The following TULP4 variants were observed in gnomAD, a reference collection of about 807,000 sequenced individuals.
The protein encoded by TULP4 is TUB like protein 4.
TULP4 carries 16 observed loss-of-function variants against 129.0 expected under a neutral mutation model. The ratio of observed to expected loss-of-function variants is 0.12; its 90% CI spans 0.08 to 0.19. The LOEUF (loss-of-function observed/expected upper bound fraction) is 0.19. Ranked by LOEUF, TULP4 falls within the 10% of genes least tolerant of loss-of-function variation. The pLI is 1.00. For missense variants in TULP4, 1,842 were observed against 2,059.1 expected, an observed-to-expected ratio of 0.89 and a Z score of 2.04; for synonymous variants, 998 against 854.0, an observed-to-expected ratio of 1.17 and a Z score of -2.94.
At chr6:158,424,741 A>C (rs1778434934) in intron 2 of TULP4, among the ~76,000 whole-genome samples, 1 of 152,200 alleles carries the variant, frequency 6.6e-6, no homozygotes, top group Non-Finnish European at 1.5e-5. Flanking sequence ...GAATCCATGG[A>C]TACAGATGAC....
At chr6:158,273,111 G>A (rs947705458) in intron 1 of TULP4, among the ~76,000 whole-genome samples, 8 of 152,174 alleles carry the variant, frequency 5.3e-5, no homozygotes, top group African/African-American at 1.9e-4. Flanking sequence ...TGATGTCCTT[G>A]GAATGTGTGT....
chr6:158,489,882 C>A (rs975271997), intron 9 of TULP4, 150 bp downstream of exon 9: 4 of 1,051,402 alleles, frequency 3.8e-6, no homozygotes, highest in Non-Finnish European at 4.1e-6. Context: ...GGAATAATTA[C>A]AACTTCTATT....
At chr6:158,303,756 G>A (rs1167763057) in intron 1 of TULP4, among the ~76,000 whole-genome samples, 1 of 152,102 alleles carries the variant, frequency 6.6e-6, no homozygotes, top group Non-Finnish European at 1.5e-5. Flanking sequence ...CTATTTGCAG[G>A]GTATTCACGT....
chr6:158,504,161 G>C lies in TULP4; in HGVS notation c.4498G>C (p.Glu1500Gln), dbSNP rs1484578265. 1.3e-6 allele frequency: 2 copies of C among 1,593,792 alleles called. No individual in the cohort carries two copies. Among genetic ancestry groups the C allele is most frequent in the Non-Finnish European group, 1.7e-6 (2 of 1,168,704 alleles). ...GGAGTCCGCCAAGAACTTCCAGATTGAGTTAGAGGGGCGGCAGGTAAGACC... is the reference window on the plus strand; with the variant it reads ...GGAGTCCGCCAAGAACTTCCAGATTCAGTTAGAGGGGCGGCAGGTAAGACC... ...TQESAKNFQI[E>Q]LEGRQVMQFG... Residue 1500 changes from glutamate (E) to glutamine (Q), a missense_variant, in exon 13 of 14, where the codon GAG becomes CAG. Transcript: ENST00000367097.
intron 1 of TULP4, among the ~76,000 whole-genome samples, chr6:158,394,786 C>CAAAA (rs71030166): frequency 0.053 from 2,438 of 45,956 alleles, 538 homozygotes; most frequent in African/African-American, 0.17. Flanking sequence ...GGCTCTGTCT[C>CAAAA]AAAAAAAAAA....
At chr6:158,273,025 G>A (rs1778577488) in intron 1 of TULP4, among the ~76,000 whole-genome samples, 1 of 152,094 alleles carries the variant, frequency 6.6e-6, no homozygotes, top group South Asian at 2.1e-4. Context: ...CCTTGTTGAG[G>A]GACCTACCCG....
Position 158,503,221 on chromosome 6 carries a change from G to A in TULP4, c.3558G>A (p.Gly1186=), listed in dbSNP as rs1301502847. The change falls in exon 13 of 14, where the codon GGG becomes GGA. Residue 1186 remains glycine (G), a synonymous_variant. Coordinates refer to ENST00000367097, the MANE Select transcript of TULP4 (RefSeq NM_020245.5). This position sits in a 1 kb window ranked among gnomAD's most constrained non-coding sequence, Gnocchi z 4.3. ...CTGCCACTTTCCAAACAGGCTATGG[G>A]ATGGGAGTGCCATATCCAGGAAGCT... ...SPTATFQTGY[G]MGVPYPGSYN... is the part of the protein sequence containing the mutation. 6.2e-7 allele frequency: 1 copy of A among 1,613,952 alleles called. No individual in the cohort carries two copies. The highest frequency in any genetic ancestry group is 1.7e-5 in the Admixed American group (1 of 60,002).
intron 1 of TULP4, among the ~76,000 whole-genome samples, chr6:158,358,969 A>C (rs908602294): frequency 6.6e-6 from 1 of 152,188 alleles, no homozygotes; most frequent in Non-Finnish European, 1.5e-5. Context: ...AGCATGTGCC[A>C]ATCTAAGCCG....
rs773179136 is a variant in TULP4 at position 158,504,008 on chromosome 6, C to T, written c.4345C>T (p.Arg1449Trp). ...CGAGCTGGAGGAGGCCAAGTGCCGG[C>T]GGGCCAGTGAGAAGGAGGACGGGCG... ...AGELEEAKCRRASEKEDGRLG... is the reference protein window; with the variant it reads ...AGELEEAKCRWASEKEDGRLG... The change falls in exon 13 of 14, where the codon CGG (arginine) becomes TGG (tryptophan). Residue 1449 changes from arginine (R) to tryptophan (W), a missense_variant. Arg to Trp is a moderately radical substitution (Grantham distance 101). This residue lies in a region of TULP4 where 1,089 missense variants were observed against 987.1 expected (regional missense o/e 1.10). Transcript: ENST00000367097. The T allele has an allele frequency of 2.5e-5, 40 of 1,612,228 alleles. No homozygotes were observed. The Admixed American group carries it at 5.7e-4, about 23-fold the overall frequency.
intron 1 of TULP4, among the ~76,000 whole-genome samples, chr6:158,260,157 C>T (rs1195849448): frequency 2.6e-5 from 4 of 152,168 alleles, no homozygotes; most frequent in African/African-American, 9.7e-5. Context: ...TCTAAGGGCC[C>T]ACCCTCTGTC....
At chr6:158,345,583 A>C (rs1166732769) in intron 1 of TULP4, among the ~76,000 whole-genome samples, 1 of 152,214 alleles carries the variant, frequency 6.6e-6, no homozygotes, top group Admixed American at 6.5e-5. Context: ...AGGATTTCAA[A>C]AGGGGAGTGG....
chr6:158,290,939 C>T (rs902709455), intron 1 of TULP4, among the ~76,000 whole-genome samples: 1 of 152,178 alleles, frequency 6.6e-6, no homozygotes, highest in African/African-American at 2.4e-5. Flanking sequence ...ATTTAACCTG[C>T]CTGTGCCTCA....
At chr6:158,373,044 A>G (rs946878807) in intron 1 of TULP4, among the ~76,000 whole-genome samples, 1 of 152,228 alleles carries the variant, frequency 6.6e-6, no homozygotes, top group Non-Finnish European at 1.5e-5. Flanking sequence ...CAGACAGAAA[A>G]CTTGAAGATT....
chr6:158,331,771 G>C, intron 1 of TULP4, among the ~76,000 whole-genome samples: 1 of 30,830 alleles, frequency 3.2e-5, no homozygotes, highest in Admixed American at 5.0e-4. Context: ...ATATATACAC[G>C]TATATATACA....
chr6:158,397,954 A>T (rs933236154), intron 1 of TULP4: 2 of 152,146 alleles, frequency 1.3e-5, no homozygotes, highest in East Asian at 1.9e-4. Flanking sequence ...GCTTCTGTAG[A>T]TTGGCAATCT....
At chr6:158,296,305 C>T (rs1779030957) in intron 1 of TULP4, among the ~76,000 whole-genome samples, 2 of 152,040 alleles carry the variant, frequency 1.3e-5, no homozygotes, top group African/African-American at 4.8e-5. Context: ...AATATTTCAA[C>T]GTAGGTTCTA....
At chr6:158,292,132 C>T (rs1357214210) in intron 1 of TULP4, among the ~76,000 whole-genome samples, 2 of 152,132 alleles carry the variant, frequency 1.3e-5, no homozygotes, top group Non-Finnish European at 2.9e-5. Flanking sequence ...CTCTGATATA[C>T]AAGGATGTTA....
chr6:158,251,003 C>G (rs1401146336), intron 1 of TULP4, among the ~76,000 whole-genome samples: 1 of 152,064 alleles, frequency 6.6e-6, no homozygotes, highest in Non-Finnish European at 1.5e-5. Context: ...GGTTTCGCTC[C>G]TTTGGTGTTG....
intron 13 of TULP4, among the ~76,000 whole-genome samples, chr6:158,505,332 C>G (rs1339979135): frequency 2.1e-5 from 2 of 97,046 alleles, no homozygotes; most frequent in South Asian, 7.6e-4. Context: ...CCTCTAAGCC[C>G]AGGGTTGGCA....
Sources: gnomAD v4.1 joint callset for allele counts (sites outside exome capture counted in the v4.1 genomes callset) on GRCh38, gnomAD v4.1.1 for gene constraint, gnomAD v4.1.1 regional missense constraint, Gnocchi (gnomAD v3.1) non-coding constraint, MANE v1.5 for transcripts, NCBI Gene and HGNC (gene_info 2026-07-23, HGNC 2026-07-21) for gene names.